Variants in SUCLG2 observed in about 807,000 individuals in gnomAD.
The protein encoded by SUCLG2 is succinate-CoA ligase GDP-forming subunit beta.
In SUCLG2, 42 loss-of-function variants were observed where a neutral mutation model predicts 47.9. The observed-to-expected ratio is 0.88, with a 90% CI of 0.69 to 1.14. The LOEUF is 1.14. SUCLG2 is among the 50% of genes most tolerant of loss of function. SUCLG2 has a pLI of 0.00. For synonymous variants in SUCLG2, 195 were observed against 197.3 expected (o/e 0.99, Z 0.10); for missense variants, 571 against 525.9 (o/e 1.09, Z -0.84).
chr3:67,469,364 C>T (rs1279926099), intron 9 of SUCLG2, among the ~76,000 whole-genome samples: 1 of 152,040 alleles, frequency 6.6e-6, no homozygotes, highest in African/African-American at 2.4e-5. Context: ...GAGAGGATAC[C>T]CTGAAGGGAA....
Position 67,521,358 on chromosome 3 carries a change from T to C in SUCLG2, c.418-724A>G, listed in dbSNP as rs79141048. Among the ~76,000 whole-genome samples, 260 of 152,254 alleles carry C rather than the reference T, an allele frequency of 1.7e-3. 1 individual carries two copies. The East Asian group carries it at 0.02, about 12-fold the overall frequency. ...AATATGTGGTCATTTGCCAGGGCCA[T>C]GACTAGACAGGGGACAAGTGGGATG... On this transcript the variant is annotated intron_variant, in intron 4 of 10. Transcript: ENST00000307227.
At chr3:67,533,402 T>C (rs1406334201) in intron 2 of SUCLG2, among the ~76,000 whole-genome samples, 3 of 152,214 alleles carry the variant, frequency 2.0e-5, no homozygotes, top group African/African-American at 7.2e-5. Flanking sequence ...TGTGGTTCAC[T>C]GACTGGAGCA....
chr3:67,648,391 G>T (rs13065696), intron 1 of SUCLG2, among the ~76,000 whole-genome samples: 3 of 152,174 alleles, frequency 2.0e-5, no homozygotes, highest in Admixed American at 2.0e-4. Flanking sequence ...GACCAAAGGC[G>T]AGTGTCACTC....
rs569268896 is a variant in SUCLG2, at chr3:67,393,857, G to A, written c.1183+6874C>T. 7.8e-4 allele frequency among the ~76,000 whole-genome samples: 118 copies of A among 152,190 alleles called. 1 individual carries two copies. The highest frequency in any genetic ancestry group is 1.3e-3 in the Non-Finnish European group (86 of 68,008). ...GGAACGATCAGACAGCAGCATTCGC[G>A]GTTCATGAAAACCCACTGTTCTGCA... is the stretch of plus-strand genomic sequence containing the variant. On this transcript the variant is annotated intron_variant, in intron 10 of 10. Coordinates refer to ENST00000307227, the MANE Select transcript of SUCLG2 (RefSeq NM_003848.4).
chr3:67,531,523 G>A (rs1034423610), intron 2 of SUCLG2, among the ~76,000 whole-genome samples: 27 of 152,176 alleles, frequency 1.8e-4, no homozygotes, highest in African/African-American at 6.5e-4. Flanking sequence ...TCAATTAAAC[G>A]TGTCGCCATT....
At chr3:67,456,188 C>T (rs1704181750) in intron 9 of SUCLG2, among the ~76,000 whole-genome samples, 1 of 152,134 alleles carries the variant, frequency 6.6e-6, no homozygotes, top group South Asian at 2.1e-4. Context: ...TTCAGCCTGG[C>T]CTTCCTCCTC....
chr3:67,646,761 G>A (rs181782749), intron 1 of SUCLG2, among the ~76,000 whole-genome samples: 1 of 152,222 alleles, frequency 6.6e-6, no homozygotes, highest in East Asian at 1.9e-4. Context: ...TTCCACTCAC[G>A]GTGTACGTCT....
At chr3:67,514,732 A>C (rs934858531) in intron 6 of SUCLG2, among the ~76,000 whole-genome samples, 3 of 152,208 alleles carry the variant, frequency 2.0e-5, no homozygotes, top group Non-Finnish European at 4.4e-5. Flanking sequence ...ATTAAATGGA[A>C]AGGACAAAAT....
chr3:67,616,719 A>G (rs1700636745), intron 1 of SUCLG2, among the ~76,000 whole-genome samples: 1 of 152,202 alleles, frequency 6.6e-6, no homozygotes. Context: ...CTTGCCCCTT[A>G]CTTAAATGTA....
intron 10 of SUCLG2, among the ~76,000 whole-genome samples, chr3:67,389,004 C>G (rs1222489889): frequency 6.6e-6 from 1 of 152,024 alleles, no homozygotes; most frequent in African/African-American, 2.4e-5. Context: ...AGCCCAGGAC[C>G]TGGGTAGATC....
At chr3:67,473,623 AGAGGGAG>A (rs1324545151) in intron 9 of SUCLG2, among the ~76,000 whole-genome samples, 51 of 152,318 alleles carry the variant, frequency 3.3e-4, no homozygotes, top group African/African-American at 1.2e-3. Context: ...ACTTCATTTT[AGAGGGAG>A]TTTTATTTGA....
intron 1 of SUCLG2, among the ~76,000 whole-genome samples, chr3:67,623,596 C>A (rs1700773470): frequency 6.6e-6 from 1 of 152,154 alleles, no homozygotes. Flanking sequence ...GGGAAAAAAT[C>A]TTGTTCTGGG....
At chr3:67,454,689 G>A (rs1390635492) in intron 9 of SUCLG2, among the ~76,000 whole-genome samples, 3 of 152,146 alleles carry the variant, frequency 2.0e-5, no homozygotes, top group African/African-American at 2.4e-5. Context: ...TGGGCCGGGC[G>A]TGGTGGCTCA....
chr3:67,485,178 T>G (rs1237225368), intron 9 of SUCLG2, among the ~76,000 whole-genome samples: 1 of 152,238 alleles, frequency 6.6e-6, no homozygotes, highest in East Asian at 1.9e-4. Flanking sequence ...TTGCCGTTAA[T>G]TCTGAGATAA....
chr3:67,539,084 T>A (rs916660874), intron 2 of SUCLG2, among the ~76,000 whole-genome samples: 3 of 152,220 alleles, frequency 2.0e-5, no homozygotes, highest in African/African-American at 7.2e-5. Context: ...GGCCACATCT[T>A]CTAATACTAT....
rs7653077 is a variant in SUCLG2, at chr3:67,486,036, G to A, written c.1062+9762C>T. ...GTCTGTAATCCCAGCACTTTGGGAG[G>A]CTAAGAGGCAGATCGCTTGAGCCCA... On this transcript the variant is annotated intron_variant, in intron 9 of 10. Coordinates refer to ENST00000307227, the MANE Select transcript of SUCLG2 (RefSeq NM_003848.4). 2.4e-3 allele frequency among the ~76,000 whole-genome samples: 358 copies of A among 152,270 alleles called. 1 individual carries two copies. Among genetic ancestry groups the A allele is most frequent in the Middle Eastern group, 6.8e-3 (2 of 294 alleles).
chr3:67,609,397 C>A, intron 2 of SUCLG2, 58 bp downstream of exon 2: 2 of 1,569,550 alleles, frequency 1.3e-6, no homozygotes, highest in South Asian at 1.2e-5. Flanking sequence ...TGGGAAGCCA[C>A]TACCTGTGAA....
At chr3:67,536,725 A>G (rs1234366567) in intron 2 of SUCLG2, among the ~76,000 whole-genome samples, 1 of 152,196 alleles carries the variant, frequency 6.6e-6, no homozygotes, top group Non-Finnish European at 1.5e-5. Flanking sequence ...CCCAGTACAA[A>G]TCAAGGATTC....
chr3:67,376,039 G>T (rs1702029478), intron 10 of SUCLG2, 180 bp from the exon 11 acceptor site: 3 of 985,426 alleles, frequency 3.0e-6, no homozygotes, highest in Non-Finnish European at 3.6e-6. Flanking sequence ...CTCAAGCTGT[G>T]GTCCAGCTAG....
Sources: allele counts gnomAD v4.1 joint callset (sites outside exome capture counted in the v4.1 genomes callset), GRCh38; gene constraint gnomAD v4.1.1; transcripts MANE v1.5; gene names NCBI Gene and HGNC (gene_info 2026-07-23, HGNC 2026-07-21).